The following COL7A1 variants were observed in gnomAD, a reference collection of about 807,000 sequenced individuals.
The protein encoded by COL7A1 is collagen alpha-1(VII) chain.
In COL7A1, 296 loss-of-function variants were observed where a neutral mutation model predicts 456.2. That is an observed-to-expected ratio of 0.65 (90% CI 0.59 to 0.71). The LOEUF (loss-of-function observed/expected upper bound fraction) is 0.71, where lower values mean the gene tolerates loss of function less well. COL7A1 is among the 30% of genes least tolerant of loss of function. The probability of loss-of-function intolerance (pLI) is 0.00; values close to 1 mark genes in which losing one functional copy is unlikely to be tolerated. For synonymous variants in COL7A1, 1,464 were observed against 1,525.9 expected (o/e 0.96, Z 0.95); for missense variants, 3,441 against 4,017.2 (o/e 0.86, Z 3.88).
In COL7A1 at chr3:48,571,813, C is replaced by T; in HGVS notation, c.7068+188G>A. On this transcript the variant is annotated intron_variant, in intron 92 of 118. Transcript: ENST00000681320. The surrounding 1 kb of genome is among the most constrained non-coding windows in gnomAD (Gnocchi z 4.6). The stretch of plus-strand genomic sequence containing the variant: ...GGGCACACAGAAGCCAAGACAGGGC[C>T]CCCAGAGCTCAGAGTGTGGAAGCCG... 1 of 712,762 alleles carries T rather than the reference C, an allele frequency of 1.4e-6. No homozygotes were observed. The highest frequency in any genetic ancestry group is 1.8e-5 in the South Asian group (1 of 56,348). 44.2% of individuals were successfully genotyped at this position (712,762 alleles called of 1,614,324 possible).
rs895808650 is a variant in COL7A1, at chr3:48,589,864, G to A, written c.2051-146C>T. 17 of 1,155,188 alleles carry A rather than the reference G, an allele frequency of 1.5e-5. No individual in the cohort carries two copies. The East Asian group carries it at 2.2e-4, about 15-fold the overall frequency. 71.6% of individuals were successfully genotyped at this position (1,155,188 alleles called of 1,614,324 possible). A position where few individuals can be genotyped will look rare whatever the true frequency, so the allele number is the denominator to read the frequency against. On this transcript the variant is annotated intron_variant, in intron 16 of 118. Transcript: ENST00000681320. Reference sequence around the variant, plus strand: ...AGGTCCAGTGGAGGAGTGGGGAGGTGGAGGTTTTAGGAAGCAGTGAGCAGG... The same window carrying A: ...AGGTCCAGTGGAGGAGTGGGGAGGTAGAGGTTTTAGGAAGCAGTGAGCAGG...
rs1575434205 is a variant in COL7A1 at position 48,573,669 on chromosome 3, C to T, written c.6573+21G>A. The T allele has an allele frequency of 6.2e-7, 1 of 1,612,640 alleles. No homozygotes were observed. Among genetic ancestry groups the T allele is most frequent in the Middle Eastern group, 1.7e-4 (1 of 6,060 alleles). On this transcript the variant is annotated intron_variant, in intron 82 of 118. Coordinates refer to ENST00000681320, the MANE Select transcript of COL7A1 (RefSeq NM_000094.4). This position sits in a 1 kb window ranked among gnomAD's most constrained non-coding sequence, Gnocchi z 5.5. ...CCAGCCCTTCCAGACCCTCACCAGG[C>T]AGTGTTCCCTGGTCACTCACCGGGG...
Position 48,567,593 on chromosome 3 carries a change from T to C in COL7A1, c.8027A>G (p.Glu2676Gly). 6.2e-7 allele frequency: 1 copy of C among 1,614,102 alleles called. No individual in the cohort carries two copies. Among genetic ancestry groups the C allele is most frequent in the Non-Finnish European group, 8.5e-7 (1 of 1,179,996 alleles). The change falls in exon 109 of 119, where the codon GAG (glutamate) becomes GGG (glycine). Residue 2676 changes from glutamate to glycine, a missense_variant. Glu to Gly is a moderately conservative substitution (Grantham distance 98). This residue lies in a region of COL7A1 where 2,084 missense variants were observed against 2,501.3 expected (regional missense o/e 0.83). Coordinates refer to ENST00000681320, the MANE Select transcript of COL7A1 (RefSeq NM_000094.4). This position sits in a 1 kb window ranked among gnomAD's most constrained non-coding sequence, Gnocchi z 4.3. ...VPGQSGAPGK[E>G]GLIGPKGDRG... ...CTGTACCTTGGGACCGATCAGGCCCTCCTTGCCAGGGGCCCCCGACTGGCC... is the reference window on the plus strand; with the variant it reads ...CTGTACCTTGGGACCGATCAGGCCCCCCTTGCCAGGGGCCCCCGACTGGCC...
Position 48,579,910 on chromosome 3 carries a change from G to C in COL7A1, c.5125-96C>G. On this transcript the variant is annotated intron_variant, in intron 57 of 118. Transcript: ENST00000681320. This position sits in a 1 kb window ranked among gnomAD's most constrained non-coding sequence, Gnocchi z 4.4. Reference sequence around the variant, plus strand: ...TCTGTGAGGGGCTCCAGGGATCCGCGGAGGTTTCAGAGGGACAGTGGGGGA... The same window carrying C: ...TCTGTGAGGGGCTCCAGGGATCCGCCGAGGTTTCAGAGGGACAGTGGGGGA... 6.2e-7 allele frequency: 1 copy of C among 1,607,422 alleles called. No individual in the cohort carries two copies. The highest frequency in any genetic ancestry group is 1.1e-5 in the South Asian group (1 of 90,874).
rs768128088 is a variant in COL7A1, at chr3:48,573,864, A to AG, written c.6527dup (p.Gly2177TrpfsTer113). The AG allele has an allele frequency of 2.5e-5, 41 of 1,613,850 alleles. No homozygotes were observed. In the Admixed American group the frequency reaches 3.7e-4, roughly 14 times the overall value. On this transcript the variant is annotated frameshift_variant, in exon 81 of 119. Transcript: ENST00000681320. LOFTEE classifies it high-confidence loss of function. This position sits in a 1 kb window ranked among gnomAD's most constrained non-coding sequence, Gnocchi z 5.5. ...GTTCTTGGGTACTCACCACTGGGCC[A>AG]GGGGGGCCTCTTGGACCCTGCAGAC...
Position 48,590,894 on chromosome 3 carries a change from A to T in COL7A1, c.1637-78T>A. The T allele has an allele frequency of 7.5e-7, 1 of 1,334,454 alleles. No individual in the cohort carries two copies. The allele number at this position is 1,334,454 out of a possible 1,614,324, so 82.7% of individuals were successfully genotyped here. On this transcript the variant is annotated intron_variant, in intron 13 of 118. Transcript: ENST00000681320. This position sits in a 1 kb window ranked among gnomAD's most constrained non-coding sequence, Gnocchi z 4.6. ...GGGACGATGGCAGTGATGGACAGGG[A>T]CGCAGAGTGAGAAGGGCCATGGGGG...
In COL7A1 at chr3:48,580,959, G is replaced by A; in HGVS notation, c.4936-33C>T. 1 of 1,613,388 alleles carries A rather than the reference G, an allele frequency of 6.2e-7. No homozygotes were observed. Among genetic ancestry groups the A allele is most frequent in the South Asian group, 1.1e-5 (1 of 90,954 alleles). Reference sequence around the variant, plus strand: ...TAGAGAGAAAAGTCATACTGCACAGGGCAGTCAGGATCTAACTCACTCAGG... The same window carrying A: ...TAGAGAGAAAAGTCATACTGCACAGAGCAGTCAGGATCTAACTCACTCAGG... On this transcript the variant is annotated intron_variant, in intron 53 of 118. Coordinates refer to ENST00000681320, the MANE Select transcript of COL7A1 (RefSeq NM_000094.4). This position sits in a 1 kb window ranked among gnomAD's most constrained non-coding sequence, Gnocchi z 4.5.
chr3:48,590,346 G>A lies in COL7A1; in HGVS notation c.1917C>T (p.Ser639=), dbSNP rs2045603748. The change falls in exon 16 of 119, where the codon TCC becomes TCT. Residue 639 remains serine, a synonymous_variant. Transcript: ENST00000681320. This position sits in a 1 kb window ranked among gnomAD's most constrained non-coding sequence, Gnocchi z 4.6. The part of the protein sequence containing the change: ...ISWSTGSGPE[S]SQTLPPDSTA... Reference sequence around the variant, plus strand: ...TAGAGTCTGGGGGCAGTGTCTGGCTGGACTCCGGACCTGAGGTCAGAGGGA... The same window carrying A: ...TAGAGTCTGGGGGCAGTGTCTGGCTAGACTCCGGACCTGAGGTCAGAGGGA... The A allele has an allele frequency of 6.2e-7, 1 of 1,614,024 alleles. No individual in the cohort carries two copies.
In COL7A1 at chr3:48,567,543, C is replaced by T. The variant is rs894485752; in HGVS notation, c.8046+31G>A. ...AGCTTCCCTGCCCCATCCTGACTCC[C>T]TGTCATGTCCACTGTCCACAGACCC... On this transcript the variant is annotated intron_variant, in intron 109 of 118. Transcript: ENST00000681320. The surrounding 1 kb of genome is among the most constrained non-coding windows in gnomAD (Gnocchi z 4.3). 6.2e-7 allele frequency: 1 copy of T among 1,613,948 alleles called. No homozygotes were observed. The highest frequency in any genetic ancestry group is 1.3e-5 in the African/African-American group (1 of 74,920).
rs1428161511 is a variant in COL7A1, at chr3:48,592,680, T to C, written c.866A>G (p.Glu289Gly). ...ERQEVNVPAG[E>G]TSVRLRGLRP... is the part of the protein sequence containing the mutation. ...GAGACCCCGCAGCCGCACACTGGTC[T>C]CACCAGCTGGGACGTTCACCTGCCC... is the stretch of plus-strand genomic sequence containing the variant. Residue 289 changes from glutamate (E) to glycine (G), a missense_variant, in exon 8 of 119, where the codon GAG (glutamate) becomes GGG (glycine). Physicochemically the swap from Glu to Gly is moderately conservative, Grantham distance 98. Transcript: ENST00000681320. The surrounding 1 kb of genome is among the most constrained non-coding windows in gnomAD (Gnocchi z 7.6). The C allele has an allele frequency of 2.5e-6, 4 of 1,613,760 alleles. No homozygotes were observed. The Admixed American group carries it at 6.7e-5, about 27-fold the overall frequency.
At position 48,569,840 on chromosome 3, in the gene COL7A1, C is replaced by A. The variant is rs760968373; in HGVS notation, c.7521+40G>T. ...ATTCTAATATCATACAAGATCCACTCACCCCCCCACTCATGCCAGGACCTT... is the reference window on the plus strand; with the variant it reads ...ATTCTAATATCATACAAGATCCACTAACCCCCCCACTCATGCCAGGACCTT... On this transcript the variant is annotated intron_variant, in intron 100 of 118. Transcript: ENST00000681320. This position sits in a 1 kb window ranked among gnomAD's most constrained non-coding sequence, Gnocchi z 4.9. 9 of 1,614,176 alleles carry A rather than the reference C, an allele frequency of 5.6e-6. No individual in the cohort carries two copies. In the South Asian group the frequency reaches 9.9e-5, roughly 18 times the overall value.
In COL7A1 at chr3:48,575,109, A is replaced by G. The variant is rs762651622; in HGVS notation, c.6234T>C (p.Pro2078=). ...ERGEQGRDGP[P]GLPGTPGPPG... is the part of the protein sequence containing the mutation. ...GGGGCCCAGGGGTTCCAGGGAGTCC[A>G]GGAGGGCCATCTCTGCCCTGCAGGA... is the stretch of plus-strand genomic sequence containing the variant. Residue 2078 remains proline (P), a synonymous_variant, in exon 76 of 119, where the codon CCT becomes CCC. Transcript: ENST00000681320. This position sits in a 1 kb window ranked among gnomAD's most constrained non-coding sequence, Gnocchi z 6.3. 2 of 1,613,734 alleles carry G rather than the reference A, an allele frequency of 1.2e-6. No individual in the cohort carries two copies. Among genetic ancestry groups the G allele is most frequent in the Middle Eastern group, 1.6e-4 (1 of 6,062 alleles).
intron 36 of COL7A1, 38 bp from the exon 37 acceptor site, chr3:48,584,413 G>A (rs1167220600): frequency 6.2e-7 from 1 of 1,613,358 alleles, no homozygotes; most frequent in Admixed American, 1.7e-5. Context: ...CAACCCCACA[G>A]ACCTCACTCT....
rs149574155 is a variant in COL7A1, at chr3:48,569,612, G to A, written c.7594C>T (p.Arg2532Trp). 6.2e-6 allele frequency: 10 copies of A among 1,613,768 alleles called. No homozygotes were observed. The highest frequency in any genetic ancestry group is 7.6e-6 in the Non-Finnish European group (9 of 1,179,846). Residue 2532 changes from arginine (R) to tryptophan (W), a missense_variant, in exon 102 of 119, where the codon CGG becomes TGG. Arg to Trp is a moderately radical substitution (Grantham distance 101). Coordinates refer to ENST00000681320, the MANE Select transcript of COL7A1 (RefSeq NM_000094.4). The surrounding 1 kb of genome is among the most constrained non-coding windows in gnomAD (Gnocchi z 4.9). ...CTCACCATGTCCCCCTTGGCACCCC[G>A]TGGGCCTGGAGGCCCCAGGATCACA... is the stretch of plus-strand genomic sequence containing the variant. The part of the protein sequence containing the change: ...SAVILGPPGP[R>W]GAKGDMGERG...
At position 48,587,090 on chromosome 3, in the gene COL7A1, G is replaced by A. The variant is rs574853557; in HGVS notation, c.3158C>T (p.Ala1053Val). Residue 1053 changes from alanine (A) to valine (V), a missense_variant, in exon 25 of 119, where the codon GCG (alanine) becomes GTG (valine). Physicochemically the swap from Ala to Val is moderately conservative, Grantham distance 64. Coordinates refer to ENST00000681320, the MANE Select transcript of COL7A1 (RefSeq NM_000094.4). The surrounding 1 kb of genome is among the most constrained non-coding windows in gnomAD (Gnocchi z 6.1). ...GGCATGTGGTAGGAACACCACATCC[G>A]CCAGGCCACGGGGGCACACTGTAGG... ...TQTPVCPRGL[A>V]DVVFLPHATQ... 1.5e-5 allele frequency: 24 copies of A among 1,612,236 alleles called. No homozygotes were observed. Among genetic ancestry groups the A allele is most frequent in the African/African-American group, 1.5e-4 (11 of 74,970 alleles).
In COL7A1 at chr3:48,590,736, C is replaced by G. The variant is rs1286113919; in HGVS notation, c.1717G>C (p.Val573Leu). 3 of 1,614,048 alleles carry G rather than the reference C, an allele frequency of 1.9e-6. No individual in the cohort carries two copies. In the Admixed American group the frequency reaches 5.0e-5, roughly 27 times the overall value. ...DDVQAGLSYT[V>L]RVSARVGPRE... ...GGACCCACTCGAGCAGACACCCGCA[C>G]AGTGTAGCTAAGCCCAGCCTGAACG... is the stretch of plus-strand genomic sequence containing the variant. The change falls in exon 14 of 119, where the codon GTG (valine) becomes CTG (leucine). Residue 573 changes from valine to leucine, a missense_variant. By Grantham distance (32) the Val-to-Leu change is conservative. Coordinates refer to ENST00000681320, the MANE Select transcript of COL7A1 (RefSeq NM_000094.4). The surrounding 1 kb of genome is among the most constrained non-coding windows in gnomAD (Gnocchi z 4.6).
intron 47 of COL7A1, 123 bp downstream of exon 47, chr3:48,582,200 C>T (rs1207497173): frequency 1.1e-5 from 17 of 1,558,816 alleles, no homozygotes; most frequent in Non-Finnish European, 1.3e-5. Flanking sequence ...GAAGGAGAGC[C>T]GCAGAGCTCC....
rs369674282 is a variant in COL7A1 at position 48,572,431 on chromosome 3, G to C, written c.6937-10C>G. ...GGCCTCCAGGGGCTCCCTGGTAAGGGGGAGAGGTCAGTGGGATTCCTTGGC... is the reference window on the plus strand; with the variant it reads ...GGCCTCCAGGGGCTCCCTGGTAAGGCGGAGAGGTCAGTGGGATTCCTTGGC... On this transcript the variant is annotated splice_polypyrimidine_tract_variant and intron_variant, in intron 89 of 118. Transcript: ENST00000681320. The surrounding 1 kb of genome is among the most constrained non-coding windows in gnomAD (Gnocchi z 4.6). 2.5e-6 allele frequency: 4 copies of C among 1,614,026 alleles called. No individual in the cohort carries two copies. The African/African-American group carries it at 4.0e-5, about 16-fold the overall frequency.
chr3:48,584,997 G>A, intron 33 of COL7A1, 39 bp downstream of exon 33: 1 of 1,613,654 alleles, frequency 6.2e-7, no homozygotes, highest in African/African-American at 1.3e-5. Context: ...ACCCACTCAG[G>A]CAGCGCCCAC....
Sources: allele counts gnomAD v4.1 joint callset, GRCh38; gene constraint gnomAD v4.1.1; regional missense constraint gnomAD v4.1.1; non-coding constraint Gnocchi (gnomAD v3.1); transcripts MANE v1.5; gene names NCBI Gene and HGNC (gene_info 2026-07-23, HGNC 2026-07-21).